PHF21B: variants seen among roughly 807,000 people sequenced by gnomAD.
The protein encoded by PHF21B is PHD finger protein 21B.
Under a neutral mutation model 62.2 loss-of-function variants are expected in PHF21B, and 22 were observed. The ratio of observed to expected loss-of-function variants is 0.35; its 90% CI spans 0.25 to 0.51. The LOEUF (loss-of-function observed/expected upper bound fraction) is 0.51. Among genes scored for constraint, PHF21B ranks in the 20% least tolerant of loss-of-function variants. The pLI, the probability that PHF21B is intolerant of heterozygous loss-of-function variation, is 0.97. For missense variants in PHF21B, 701 were observed against 707.9 expected (o/e 0.99, Z 0.11); for synonymous variants, 341 against 314.7 (o/e 1.08, Z -0.88).
intron 2 of PHF21B, among the ~76,000 whole-genome samples, chr22:44,921,351 G>T (rs553248886): frequency 2.1e-5 from 3 of 146,256 alleles, no homozygotes; most frequent in South Asian, 2.2e-4. Context: ...GATGGAACCG[G>T]AACAGTTCTT....
chr22:44,994,154 C>A (rs1389066348), intron 2 of PHF21B, among the ~76,000 whole-genome samples: 1 of 152,262 alleles, frequency 6.6e-6, no homozygotes, highest in Non-Finnish European at 1.5e-5. Context: ...GCAGGGCTAG[C>A]TTCAGCTGGT....
chr22:44,883,109 G>T lies in PHF21B; in HGVS notation c.1573C>A (p.Gln525Lys). The T allele has an allele frequency of 6.2e-7, 1 of 1,611,914 alleles. No homozygotes were observed. Among genetic ancestry groups the T allele is most frequent in the Non-Finnish European group, 8.5e-7 (1 of 1,179,836 alleles). The change falls in exon 13 of 13, where the codon CAG (glutamine) becomes AAG (lysine). Residue 525 changes from glutamine (Q) to lysine (K), a missense_variant. Coordinates refer to ENST00000313237, the MANE Select transcript of PHF21B (RefSeq NM_138415.5). Reference sequence around the variant, plus strand: ...GGTCAGTTGTGGCCCTGGGGGTGCTGGACGGTGGGGTGTGTGGCTGCCACT... The same window carrying T: ...GGTCAGTTGTGGCCCTGGGGGTGCTTGACGGTGGGGTGTGTGGCTGCCACT... Reference protein sequence around the residue: ...PSVAATHPTVQHPQGHN With the variant: ...PSVAATHPTVKHPQGHN
chr22:44,994,541 T>C (rs2073090281), intron 2 of PHF21B, among the ~76,000 whole-genome samples: 2 of 152,214 alleles, frequency 1.3e-5, no homozygotes, highest in African/African-American at 2.4e-5. Context: ...TGTGAGAGAA[T>C]GAATTCTGCT....
At chr22:44,934,765 A>G (rs889199529) in intron 2 of PHF21B, among the ~76,000 whole-genome samples, 1 of 152,194 alleles carries the variant, frequency 6.6e-6, no homozygotes, top group Non-Finnish European at 1.5e-5. Context: ...TGATTCGTCC[A>G]AAGTCCCCAC....
intron 2 of PHF21B, among the ~76,000 whole-genome samples, chr22:44,990,629 T>C (rs944908005): frequency 3.3e-5 from 5 of 152,148 alleles, no homozygotes; most frequent in Admixed American, 2.6e-4. Context: ...CAAAGATAAA[T>C]ACTCTGTGAT....
chr22:45,000,926 C>T (rs1033079301), intron 2 of PHF21B: 1 of 152,178 alleles, frequency 6.6e-6, no homozygotes, highest in African/African-American at 2.4e-5. Context: ...GATTTCATCG[C>T]AATCACCAGG....
chr22:44,945,335 C>T (rs550196843), intron 2 of PHF21B, among the ~76,000 whole-genome samples: 4 of 152,166 alleles, frequency 2.6e-5, no homozygotes, highest in African/African-American at 7.2e-5. Context: ...GTGAATGGGG[C>T]GATTTAACTC....
chr22:44,907,337 T>C (rs1202959585), intron 5 of PHF21B, among the ~76,000 whole-genome samples: 1 of 152,110 alleles, frequency 6.6e-6, no homozygotes, highest in Admixed American at 6.5e-5. Context: ...TCAAGCTGAG[T>C]TGCAGCTACA....
Position 44,956,338 on chromosome 22 carries a change from A to T in PHF21B, c.121-35848T>A, listed in dbSNP as rs190731451. Among the ~76,000 whole-genome samples the T allele has an allele frequency of 1.8e-4, 27 of 152,260 alleles. No homozygotes were observed. In the East Asian group the frequency reaches 5.2e-3, roughly 29 times the overall value. On this transcript the variant is annotated intron_variant, in intron 2 of 12. Coordinates refer to ENST00000313237, the MANE Select transcript of PHF21B (RefSeq NM_138415.5). ...CAGAGGCCCGACCCAGGGGCCCGAGAATCAGTACTTTCTTACCCTGACGAG... is the reference window on the plus strand; with the variant it reads ...CAGAGGCCCGACCCAGGGGCCCGAGTATCAGTACTTTCTTACCCTGACGAG...
chr22:44,986,051 TAC>T (rs2072941440), intron 2 of PHF21B, among the ~76,000 whole-genome samples: 14 of 85,938 alleles, frequency 1.6e-4, no homozygotes, highest in Non-Finnish European at 2.8e-4. Flanking sequence ...CCACCACCAC[TAC>T]CATCACAATG....
intron 2 of PHF21B, among the ~76,000 whole-genome samples, chr22:44,961,888 ATAAATAAG>A (rs2072430641): frequency 6.8e-6 from 1 of 147,656 alleles, no homozygotes; most frequent in Non-Finnish European, 1.5e-5. Context: ...AAATAAATAA[ATAAATAAG>A]TATAATGACC....
chr22:45,007,107 G>A (rs2073329470), intron 2 of PHF21B, among the ~76,000 whole-genome samples: 1 of 151,074 alleles, frequency 6.6e-6, no homozygotes, highest in Non-Finnish European at 1.5e-5. Flanking sequence ...CGGGGGCGGG[G>A]GGGCCGCGGC....
intron 5 of PHF21B, among the ~76,000 whole-genome samples, chr22:44,908,810 G>A (rs1035170209): frequency 1.3e-5 from 2 of 152,190 alleles, no homozygotes; most frequent in African/African-American, 4.8e-5. Flanking sequence ...GTGTATGTAT[G>A]TACATGAGAT....
At chr22:44,896,464 C>T (rs753521352) in intron 5 of PHF21B, among the ~76,000 whole-genome samples, 1 of 152,112 alleles carries the variant, frequency 6.6e-6, no homozygotes, top group East Asian at 1.9e-4. Flanking sequence ...ATCTACAGCT[C>T]GATTTGGAGG....
At chr22:44,921,056 A>G (rs2071525938) in intron 2 of PHF21B, among the ~76,000 whole-genome samples, 1 of 152,230 alleles carries the variant, frequency 6.6e-6, no homozygotes, top group Non-Finnish European at 1.5e-5. Flanking sequence ...AAAATGCAGG[A>G]ATATTTTCAG....
At chr22:44,912,874 A>C (rs1225820932) in intron 5 of PHF21B, among the ~76,000 whole-genome samples, 1 of 147,836 alleles carries the variant, frequency 6.8e-6, no homozygotes, top group Non-Finnish European at 1.5e-5. Flanking sequence ...GTCAGACTCT[A>C]TCTCAAAAAA....
chr22:44,890,357 T>G (rs918473669), intron 8 of PHF21B, among the ~76,000 whole-genome samples: 1 of 152,238 alleles, frequency 6.6e-6, no homozygotes, highest in Non-Finnish European at 1.5e-5. Flanking sequence ...CACATTTTAA[T>G]GATCGCAAAC....
chr22:44,914,298 C>G (rs529310144), intron 4 of PHF21B, among the ~76,000 whole-genome samples: 2 of 152,292 alleles, frequency 1.3e-5, no homozygotes, highest in East Asian at 3.9e-4. Flanking sequence ...TGGGGAGGGT[C>G]TGCATGAGAA....
chr22:44,930,922 T>A (rs1008706445), intron 2 of PHF21B, among the ~76,000 whole-genome samples: 2 of 152,170 alleles, frequency 1.3e-5, no homozygotes, highest in Non-Finnish European at 2.9e-5. Context: ...TCCTGCTCTC[T>A]CCCAGGGTGC....
Sources: gnomAD v4.1 joint callset for allele counts (sites outside exome capture counted in the v4.1 genomes callset) on GRCh38, gnomAD v4.1.1 for gene constraint, MANE v1.5 for transcripts, NCBI Gene and HGNC (gene_info 2026-07-23, HGNC 2026-07-21) for gene names.